The following ITPKC variants were observed in gnomAD, a reference collection of about 807,000 sequenced individuals.
The protein encoded by ITPKC is IP3 3-kinase C.
A neutral mutation model predicts 67.1 loss-of-function variants in ITPKC; 33 were observed. The observed-to-expected ratio is 0.49, with a 90% CI of 0.37 to 0.66. The LOEUF (loss-of-function observed/expected upper bound fraction) is 0.66. ITPKC is among the 30% of genes least tolerant of loss of function. The pLI is 0.00. For synonymous variants in ITPKC, 341 were observed against 359.8 expected (o/e 0.95, Z 0.59); for missense variants, 820 against 892.1 (o/e 0.92, Z 1.03).
At position 40,729,317 on chromosome 19, in the gene ITPKC, T is replaced by A. The variant is rs944730339; in HGVS notation, c.1371T>A (p.Tyr457Ter). 1.4e-5 allele frequency: 22 copies of A among 1,614,066 alleles called. No individual in the cohort carries two copies. The highest frequency in any genetic ancestry group is 1.7e-5 in the Non-Finnish European group (20 of 1,180,026). ...TGCGACCTTTCGTGCCTGCCTACTA[T>A]GGCATGGTGCTGCAGGATGGCCAGA... ...DPLRPFVPAY[Y>*]GMVLQDGQTF... Residue 457 changes from tyrosine to a stop codon, truncating the protein, a stop_gained, in exon 3 of 7, where the codon TAT becomes TAA. Transcript: ENST00000263370. LOFTEE classifies it high-confidence loss of function.
intron 2 of ITPKC, among the ~76,000 whole-genome samples, chr19:40,726,252 A>AT (rs1491412062): frequency 1.4e-5 from 2 of 142,452 alleles, no homozygotes; most frequent in African/African-American, 5.1e-5. Flanking sequence ...AAAAAAAAAA[A>AT]AGACTGAGGC....
At chr19:40,719,302 C>CT (rs1450622973) in intron 1 of ITPKC, among the ~76,000 whole-genome samples, 2 of 152,010 alleles carry the variant, frequency 1.3e-5, no homozygotes, top group Non-Finnish European at 2.9e-5. Context: ...GGCCCCATTG[C>CT]TTTTTTCTCT....
chr19:40,724,826 G>A (rs1318144662), intron 1 of ITPKC, among the ~76,000 whole-genome samples: 1 of 151,894 alleles, frequency 6.6e-6, no homozygotes, highest in East Asian at 1.9e-4. Context: ...GCATGCACCT[G>A]TAGTCCCAGC....
At chr19:40,734,445 G>T (rs1188896239) in intron 4 of ITPKC, among the ~76,000 whole-genome samples, 1 of 152,126 alleles carries the variant, frequency 6.6e-6, no homozygotes, top group Non-Finnish European at 1.5e-5. Flanking sequence ...CACTCTCGGT[G>T]TTATGCCACT....
rs1262164823 is a variant in ITPKC at position 40,739,695 on chromosome 19, C to T, written c.*135C>T. The T allele has an allele frequency of 4.7e-5, 34 of 722,178 alleles. No individual in the cohort carries two copies. The East Asian group carries it at 5.2e-4, about 11-fold the overall frequency. The allele number at this position is 722,178 out of a possible 1,614,324, so 44.7% of individuals were successfully genotyped here. On this transcript the variant is annotated 3_prime_UTR_variant, in exon 7 of 7. Transcript: ENST00000263370. ...GGGAGAGATTGTGTCATGTGCCACA[C>T]GAGACCAACGTGGAAAAGTCTGAAG...
chr19:40,729,952 C>G (rs1201408676), intron 3 of ITPKC, among the ~76,000 whole-genome samples: 1 of 151,534 alleles, frequency 6.6e-6, no homozygotes, highest in Non-Finnish European at 1.5e-5. Context: ...CCCTTTTTTT[C>G]CTCTTTGAGA....
At chr19:40,735,150 C>T (rs1443951779) in intron 4 of ITPKC, among the ~76,000 whole-genome samples, 1 of 152,072 alleles carries the variant, frequency 6.6e-6, no homozygotes, top group Non-Finnish European at 1.5e-5. Flanking sequence ...AACTCCTGGC[C>T]TCAAGTGATC....
intron 4 of ITPKC, 26 bp downstream of exon 4, chr19:40,733,390 G>C: frequency 6.3e-7 from 1 of 1,581,542 alleles, no homozygotes; most frequent in Non-Finnish European, 8.6e-7. Context: ...CGCCTGGCCT[G>C]TCCCGGGAAG....
At chr19:40,721,570 T>C (rs770139205) in intron 1 of ITPKC, among the ~76,000 whole-genome samples, 151 of 152,032 alleles carry the variant, frequency 9.9e-4, no homozygotes, top group Admixed American at 1.8e-3. Context: ...GGTTTCACTA[T>C]GTTGGCCAGG....
chr19:40,734,102 G>A (rs551679952), intron 4 of ITPKC, among the ~76,000 whole-genome samples: 4 of 152,064 alleles, frequency 2.6e-5, no homozygotes, highest in Non-Finnish European at 5.9e-5. Flanking sequence ...TTGTAGATCC[G>A]AAATGTTCCT....
Position 40,717,913 on chromosome 19 carries a change from A to C in ITPKC, c.778A>C (p.Lys260Gln), listed in dbSNP as rs138437975. The change falls in exon 1 of 7, where the codon AAA (lysine) becomes CAA (glutamine). Residue 260 changes from lysine (K) to glutamine (Q), a missense_variant. By Grantham distance (53) the Lys-to-Gln change is moderately conservative (BLOSUM62 1). Around this residue, in one of 2 missense-constraint regions of ITPKC, gnomAD observed 481 missense variants for 470.1 expected, o/e 1.02. Coordinates refer to ENST00000263370, the MANE Select transcript of ITPKC (RefSeq NM_025194.3). ...AAAACAGGATACTGAAGCAGCCAGG[A>C]AACAGCCTGGCACTGGTGGTTTCCA... is the stretch of plus-strand genomic sequence containing the variant. ...QKKQDTEAAR[K>Q]QPGTGGFQIQ... 4 of 1,614,048 alleles carry C rather than the reference A, an allele frequency of 2.5e-6. No individual in the cohort carries two copies. The highest frequency in any genetic ancestry group is 2.2e-5 in the South Asian group (2 of 91,090).
Position 40,717,953 on chromosome 19 carries a change from C to T in ITPKC, c.818C>T (p.Thr273Ile). 2 of 1,614,194 alleles carry T rather than the reference C, an allele frequency of 1.2e-6. No individual in the cohort carries two copies. Among genetic ancestry groups the T allele is most frequent in the South Asian group, 1.1e-5 (1 of 91,082 alleles). The change falls in exon 1 of 7, where the codon ACT becomes ATT. Residue 273 changes from threonine (T) to isoleucine (I), a missense_variant. Around this residue, in one of 2 missense-constraint regions of ITPKC, gnomAD observed 481 missense variants for 470.1 expected, o/e 1.02. Coordinates refer to ENST00000263370, the MANE Select transcript of ITPKC (RefSeq NM_025194.3). ...GTGGFQIQQD[T>I]DGSWTQPSTD... ...GGTGGTTTCCAAATACAACAGGATA[C>T]TGATGGCTCCTGGACACAACCTAGC... is the stretch of plus-strand genomic sequence containing the variant.
At position 40,737,555 on chromosome 19, in the gene ITPKC, C is replaced by A; in HGVS notation, c.1777-143C>A. On this transcript the variant is annotated intron_variant, in intron 5 of 6. Transcript: ENST00000263370. Reference sequence around the variant, plus strand: ...ATGAATCCAAGCCCTCACTCCTCTGCCCTGTCTTCCCCATGGCTCCCCTAT... The same window carrying A: ...ATGAATCCAAGCCCTCACTCCTCTGACCTGTCTTCCCCATGGCTCCCCTAT... 4.2e-6 allele frequency: 3 copies of A among 718,256 alleles called. No individual in the cohort carries two copies. In the South Asian group the frequency reaches 4.8e-5, roughly 11 times the overall value. The allele number at this position is 718,256 out of a possible 1,614,324, so 44.5% of individuals were successfully genotyped here.
At chr19:40,732,903 G>T (rs554564240) in intron 3 of ITPKC, among the ~76,000 whole-genome samples, 1 of 152,312 alleles carries the variant, frequency 6.6e-6, no homozygotes, top group African/African-American at 2.4e-5. Flanking sequence ...GGGAGGTAGG[G>T]ATCAGGTTCA....
At chr19:40,722,672 A>T (rs1400535963) in intron 1 of ITPKC, among the ~76,000 whole-genome samples, 1 of 152,154 alleles carries the variant, frequency 6.6e-6, no homozygotes, top group East Asian at 1.9e-4. Context: ...CTGTGTGTGT[A>T]TGTGTTCATG....
chr19:40,721,256 T>G (rs1163896494), intron 1 of ITPKC, among the ~76,000 whole-genome samples: 1 of 151,832 alleles, frequency 6.6e-6, no homozygotes, highest in Non-Finnish European at 1.5e-5. Flanking sequence ...AGGAGGTCAC[T>G]GGCCAGACAC....
Position 40,729,563 on chromosome 19 carries a change from C to A in ITPKC, c.1469+148C>A, listed in dbSNP as rs2082261438. The A allele has an allele frequency of 8.8e-6, 6 of 683,652 alleles. No homozygotes were observed. The South Asian group carries it at 1.1e-4, about 12-fold the overall frequency. 42.3% of individuals were successfully genotyped at this position (683,652 alleles called of 1,614,324 possible). On this transcript the variant is annotated intron_variant, in intron 3 of 6. Coordinates refer to ENST00000263370, the MANE Select transcript of ITPKC (RefSeq NM_025194.3). ...GGTGGATCACCTGAGGTTGGGAGTTCCAAACCAGCCTGACCAACGTGGTGA... is the reference window on the plus strand; with the variant it reads ...GGTGGATCACCTGAGGTTGGGAGTTACAAACCAGCCTGACCAACGTGGTGA...
chr19:40,736,380 C>A (rs2082294411), intron 4 of ITPKC, among the ~76,000 whole-genome samples: 1 of 152,010 alleles, frequency 6.6e-6, no homozygotes, highest in Non-Finnish European at 1.5e-5. Flanking sequence ...CCAGGAGGTT[C>A]AAGGTTGGAA....
chr19:40,736,604 A>C (rs2082295420), intron 4 of ITPKC, among the ~76,000 whole-genome samples: 1 of 152,032 alleles, frequency 6.6e-6, no homozygotes, highest in African/African-American at 2.4e-5. Context: ...CCCGGGTTTA[A>C]GCGATTTTCC....
Sources: gnomAD v4.1 joint callset for allele counts (sites outside exome capture counted in the v4.1 genomes callset) on GRCh38, gnomAD v4.1.1 for gene constraint, gnomAD v4.1.1 regional missense constraint, MANE v1.5 for transcripts, NCBI Gene and HGNC (gene_info 2026-07-23, HGNC 2026-07-21) for gene names.